TBC1D22A: variants seen among roughly 807,000 people sequenced by gnomAD.
TBC1D22A encodes TBC1 domain family member 22A, also known as putative GTPase activator.
TBC1D22A carries 38 observed loss-of-function variants against 60.2 expected under a neutral mutation model. That is an observed-to-expected ratio of 0.63 (90% confidence interval 0.49 to 0.83). The LOEUF is 0.83. TBC1D22A is among the 40% of genes least tolerant of loss of function. TBC1D22A has a pLI of 0.00. For missense variants in TBC1D22A, 628 were observed against 701.0 expected (o/e 0.90, Z 1.18); for synonymous variants, 302 against 281.7 (o/e 1.07, Z -0.72).
chr22:46,932,608 C>T lies in TBC1D22A; in HGVS notation c.1015+20420C>T, dbSNP rs1222543043. On this transcript the variant is annotated intron_variant, in intron 8 of 12. Coordinates refer to ENST00000337137, the MANE Select transcript of TBC1D22A (RefSeq NM_014346.5). ...CCTCCCCATGGTTTTCCACCCATCACGGAGCCTTGGGTGGGTGGCAAGGGG... is the reference window on the plus strand; with the variant it reads ...CCTCCCCATGGTTTTCCACCCATCATGGAGCCTTGGGTGGGTGGCAAGGGG... Among the ~76,000 whole-genome samples, 4 of 152,122 alleles carry T rather than the reference C, an allele frequency of 2.6e-5. 1 individual carries two copies. Among genetic ancestry groups the T allele is most frequent in the South Asian group, 4.1e-4 (2 of 4,820 alleles).
At chr22:46,929,506 T>A (rs1296619965) in intron 8 of TBC1D22A, among the ~76,000 whole-genome samples, 1 of 152,238 alleles carries the variant, frequency 6.6e-6, no homozygotes, top group Admixed American at 6.5e-5. Context: ...ACAGATGTAC[T>A]TCATTCATGG....
At position 47,064,268 on chromosome 22, in the gene TBC1D22A, T is replaced by C. The variant is rs188270975; in HGVS notation, c.1329+27070T>C. 1.7e-3 allele frequency among the ~76,000 whole-genome samples: 266 copies of C among 152,364 alleles called. 7 individuals are homozygous for C. The highest frequency in any genetic ancestry group is 0.016 in the Admixed American group (244 of 15,308). On this transcript the variant is annotated intron_variant, in intron 11 of 12. Transcript: ENST00000337137. ...AGCAGTTTAACAGGCCAGTGCAAGCTGCTCAGTTCCCGGGCAGCGGTGCCG... is the reference window on the plus strand; with the variant it reads ...AGCAGTTTAACAGGCCAGTGCAAGCCGCTCAGTTCCCGGGCAGCGGTGCCG...
intron 11 of TBC1D22A, among the ~76,000 whole-genome samples, chr22:47,049,699 G>A (rs1429157330): frequency 6.6e-6 from 1 of 152,156 alleles, no homozygotes; most frequent in East Asian, 1.9e-4. Context: ...ACACTGCCCA[G>A]TCATAATGCT....
At chr22:46,977,870 C>T (rs1026856407) in intron 9 of TBC1D22A, among the ~76,000 whole-genome samples, 8 of 152,258 alleles carry the variant, frequency 5.3e-5, no homozygotes, top group African/African-American at 1.7e-4. Context: ...CATTAGAAAC[C>T]GCCCCCAGGA....
At chr22:47,116,401 G>C (rs1010377437) in intron 12 of TBC1D22A, 1 of 152,268 alleles carries the variant, frequency 6.6e-6, no homozygotes, top group Non-Finnish European at 1.5e-5. Context: ...CTCTGAGGAG[G>C]CCTCGGCAGC....
chr22:46,887,843 C>T (rs973031717), intron 5 of TBC1D22A, among the ~76,000 whole-genome samples: 2 of 152,110 alleles, frequency 1.3e-5, no homozygotes, highest in Admixed American at 6.5e-5. Flanking sequence ...AAAGAAGTTT[C>T]AGTGGTGTGA....
chr22:47,145,623 G>A (rs1041910008), intron 12 of TBC1D22A, among the ~76,000 whole-genome samples: 8 of 152,240 alleles, frequency 5.3e-5, no homozygotes, highest in Admixed American at 2.6e-4. Flanking sequence ...TAGGCAGTTC[G>A]TTAGGAGAGG....
At chr22:46,778,237 G>T (rs1267332007) in intron 1 of TBC1D22A, among the ~76,000 whole-genome samples, 1 of 150,976 alleles carries the variant, frequency 6.6e-6, no homozygotes, top group East Asian at 2.0e-4. Flanking sequence ...CTACATTTAG[G>T]CTCTACTAGA....
chr22:47,033,340 GGCTGGAAAACTCCTC>G (rs2062546753), intron 10 of TBC1D22A, among the ~76,000 whole-genome samples: 1 of 152,214 alleles, frequency 6.6e-6, no homozygotes, highest in Admixed American at 6.5e-5. Context: ...TCTAGGGTGT[GGCTGGAAAACTCCTC>G]GCTATTGCTG....
At chr22:47,131,501 T>A (rs2066677151) in intron 12 of TBC1D22A, among the ~76,000 whole-genome samples, 1 of 152,186 alleles carries the variant, frequency 6.6e-6, no homozygotes. Context: ...CACAGGAGTG[T>A]TCCCCCTGCC....
At chr22:47,110,366 C>T (rs915783286) in intron 11 of TBC1D22A, among the ~76,000 whole-genome samples, 1 of 152,130 alleles carries the variant, frequency 6.6e-6, no homozygotes, top group African/African-American at 2.4e-5. Context: ...GTAATCCCAG[C>T]TACTCGGGAG....
intron 11 of TBC1D22A, among the ~76,000 whole-genome samples, chr22:47,046,923 G>A (rs568780456): frequency 1.3e-5 from 2 of 152,316 alleles, no homozygotes; most frequent in Admixed American, 6.5e-5. Flanking sequence ...AAAGGCTGGC[G>A]GGTCTGCCCC....
intron 10 of TBC1D22A, among the ~76,000 whole-genome samples, chr22:47,019,291 C>T (rs183007572): frequency 3.3e-5 from 5 of 152,350 alleles, no homozygotes; most frequent in East Asian, 1.9e-4. Context: ...CATGAACACC[C>T]TCACACTTCA....
At chr22:47,049,787 A>T (rs2063149269) in intron 11 of TBC1D22A, among the ~76,000 whole-genome samples, 1 of 152,218 alleles carries the variant, frequency 6.6e-6, no homozygotes, top group Non-Finnish European at 1.5e-5. Context: ...GTCTACTTAA[A>T]TGTGGTGCGT....
rs1355306270 is a variant in TBC1D22A, at chr22:46,777,551, A to C, written c.62+14703A>C. Among the ~76,000 whole-genome samples, 1 of 152,120 alleles carries C rather than the reference A, an allele frequency of 6.6e-6. No homozygotes were observed. Among genetic ancestry groups the C allele is most frequent in the Non-Finnish European group, 1.5e-5 (1 of 68,028 alleles). ...TCAGGAGAGAGCATGATTTTTCATA[A>C]GAGAAGGAAGGAGGACTGAGGACTC... On this transcript the variant is annotated intron_variant, in intron 1 of 12. Coordinates refer to ENST00000337137, the MANE Select transcript of TBC1D22A (RefSeq NM_014346.5). The surrounding 1 kb of genome is among the most constrained non-coding windows in gnomAD (Gnocchi z 4.5).
chr22:46,814,616 A>G (rs2085514316), intron 4 of TBC1D22A, among the ~76,000 whole-genome samples: 1 of 152,012 alleles, frequency 6.6e-6, no homozygotes, highest in African/African-American at 2.4e-5. Context: ...TAAGCAGTGT[A>G]TCTAATTATA....
intron 1 of TBC1D22A, among the ~76,000 whole-genome samples, chr22:46,766,980 T>G (rs762571739): frequency 6.6e-6 from 1 of 152,226 alleles, no homozygotes; most frequent in African/African-American, 2.4e-5. Context: ...AAAGTATCTT[T>G]CTCATTCTTG....
intron 6 of TBC1D22A, among the ~76,000 whole-genome samples, chr22:46,893,455 G>A (rs1038735281): frequency 1.3e-5 from 2 of 152,196 alleles, no homozygotes; most frequent in African/African-American, 4.8e-5. Flanking sequence ...GCAGGGGTTG[G>A]GTCTGGTGGA....
intron 4 of TBC1D22A, among the ~76,000 whole-genome samples, chr22:46,877,788 A>G (rs1171614770): frequency 6.6e-6 from 1 of 152,270 alleles, no homozygotes; most frequent in Non-Finnish European, 1.5e-5. Flanking sequence ...AGAAATAATT[A>G]CTTGAGTTTC....
Sources: gnomAD v4.1 joint callset for allele counts (sites outside exome capture counted in the v4.1 genomes callset) on GRCh38, gnomAD v4.1.1 for gene constraint, Gnocchi (gnomAD v3.1) non-coding constraint, MANE v1.5 for transcripts, NCBI Gene and HGNC (gene_info 2026-07-23, HGNC 2026-07-21) for gene names.